ANKRD40: variants seen among roughly 807,000 people sequenced by gnomAD.
ANKRD40 encodes the protein ankyrin repeat domain 40, also known as ankyrin repeat domain-containing protein 40.
A neutral mutation model predicts 35.5 loss-of-function variants in ANKRD40; 24 were observed. That is an observed-to-expected ratio of 0.68 (90% CI 0.49 to 0.95). The LOEUF is 0.95. Among genes scored for constraint, ANKRD40 ranks in the 40% least tolerant of loss-of-function variants. The pLI is 0.00. For synonymous variants in ANKRD40, 147 were observed against 173.5 expected (o/e 0.85, Z 1.20); for missense variants, 361 against 436.0 (o/e 0.83, Z 1.53).
intron 1 of ANKRD40, 93 bp from the exon 2 acceptor site, chr17:50,700,809 T>TA (rs1396338500): frequency 9.6e-6 from 12 of 1,252,582 alleles, no homozygotes; most frequent in Non-Finnish European, 1.3e-5. Flanking sequence ...ACAAGCCTGT[T>TA]AGAGTTCAGC....
Position 50,707,507 on chromosome 17 carries a change from C to G in ANKRD40, c.134+14G>C, listed in dbSNP as rs749647375. The G allele has an allele frequency of 3.7e-6, 6 of 1,603,272 alleles. No individual in the cohort carries two copies. Among genetic ancestry groups the G allele is most frequent in the Middle Eastern group, 1.7e-4 (1 of 6,048 alleles). On this transcript the variant is annotated intron_variant, in intron 1 of 4. Coordinates refer to ENST00000285243, the MANE Select transcript of ANKRD40 (RefSeq NM_052855.4). The surrounding 1 kb of genome is among the most constrained non-coding windows in gnomAD (Gnocchi z 4.8). ...GGCTGCCCTGACCCTAGGCCTCCCCCGCTCCCCACTTACCAGCCGTTGACC... is the reference window on the plus strand; with the variant it reads ...GGCTGCCCTGACCCTAGGCCTCCCCGGCTCCCCACTTACCAGCCGTTGACC...
intron 2 of ANKRD40, among the ~76,000 whole-genome samples, 158 bp from the exon 3 acceptor site, chr17:50,700,051 T>C (rs955607873): frequency 6.6e-6 from 1 of 152,204 alleles, no homozygotes; most frequent in African/African-American, 2.4e-5. Flanking sequence ...ATTTTTATCA[T>C]TATCTTAAAT....
intron 3 of ANKRD40, among the ~76,000 whole-genome samples, chr17:50,697,650 G>T (rs995333822): frequency 2.6e-5 from 4 of 152,214 alleles, no homozygotes; most frequent in Non-Finnish European, 4.4e-5. Flanking sequence ...AACTTGATTT[G>T]AATGTAGCAC....
rs35024672 is a variant in ANKRD40, at chr17:50,706,903, CAAAAAAAAAAA to C, written c.134+607_134+617del. On this transcript the variant is annotated intron_variant, in intron 1 of 4. Transcript: ENST00000285243. ...TGGGCGACAGGGCAAGACCCTGTCTCAAAAAAAAAAAAAAAAAAAAAAAAAAAAAGAAAGAA... is the reference window on the plus strand; with the variant it reads ...TGGGCGACAGGGCAAGACCCTGTCTCAAAAAAAAAAAAAAAAAAGAAAGAA... 5.5e-4 allele frequency among the ~76,000 whole-genome samples: 21 copies of C among 37,982 alleles called. 1 individual carries two copies. The South Asian group carries it at 0.011, about 21-fold the overall frequency. 24.9% of individuals were successfully genotyped at this position (37,982 alleles called of 152,430 possible). A position where few individuals can be genotyped will look rare whatever the true frequency, so the allele number is the denominator to read the frequency against.
chr17:50,702,395 A>C (rs1968282330), intron 1 of ANKRD40, among the ~76,000 whole-genome samples: 1 of 138,272 alleles, frequency 7.2e-6, no homozygotes, highest in South Asian at 2.3e-4. Flanking sequence ...GCAAGACTCC[A>C]TCTCAAAAAA....
At chr17:50,703,927 A>G (rs1308861012) in intron 1 of ANKRD40, among the ~76,000 whole-genome samples, 1 of 152,138 alleles carries the variant, frequency 6.6e-6, no homozygotes, top group Non-Finnish European at 1.5e-5. Context: ...AATCCAAGCA[A>G]GAGAAACAAT....
At position 50,703,510 on chromosome 17, in the gene ANKRD40, C is replaced by A. The variant is rs62059753; in HGVS notation, c.135-2794G>T. Reference sequence around the variant, plus strand: ...CTTTAAATTGAGGGCCCAGGAAAAGCCTTGCCAAGAAGGTGACATCTAAAC... The same window carrying A: ...CTTTAAATTGAGGGCCCAGGAAAAGACTTGCCAAGAAGGTGACATCTAAAC... On this transcript the variant is annotated intron_variant, in intron 1 of 4. Coordinates refer to ENST00000285243, the MANE Select transcript of ANKRD40 (RefSeq NM_052855.4). Among the ~76,000 whole-genome samples the A allele has an allele frequency of 4.0e-3, 605 of 152,064 alleles. 2 individuals carry two copies. Among genetic ancestry groups the A allele is most frequent in the Non-Finnish European group, 6.1e-3 (415 of 67,978 alleles).
rs1597867932 is a variant in ANKRD40, at chr17:50,700,809, T to C, written c.135-93A>G. 13 of 1,252,698 alleles carry C rather than the reference T, an allele frequency of 1.0e-5. No individual in the cohort carries two copies. In the East Asian group the frequency reaches 1.5e-4, roughly 14 times the overall value. The allele number at this position is 1,252,698 out of a possible 1,614,324, so 77.6% of individuals were successfully genotyped here. ...GTAAATAATGTATAAACAAGCCTGT[T>C]AGAGTTCAGCTAGAACCAGGTAACC... On this transcript the variant is annotated intron_variant, in intron 1 of 4. Coordinates refer to ENST00000285243, the MANE Select transcript of ANKRD40 (RefSeq NM_052855.4).
chr17:50,694,792 G>C lies in ANKRD40; in HGVS notation c.*1205C>G, dbSNP rs1435647804. 1 of 152,130 alleles carries C rather than the reference G, an allele frequency of 6.6e-6. No homozygotes were observed. Among genetic ancestry groups the C allele is most frequent in the African/African-American group, 2.4e-5 (1 of 41,406 alleles). The allele number at this position is 152,130 out of a possible 1,614,324, so 9.4% of individuals were successfully genotyped here. On this transcript the variant is annotated 3_prime_UTR_variant, in exon 5 of 5. Transcript: ENST00000285243. ...AGTGAATTGGTGGTAGTAGTAGGGG[G>C]ATCACTAAGATCAAACAATTTGTTT...
At chr17:50,696,791 C>A in intron 4 of ANKRD40, 149 bp downstream of exon 4, 6 of 693,822 alleles carry the variant, frequency 8.6e-6, no homozygotes, top group Non-Finnish European at 1.3e-5. Context: ...CCTATAGACT[C>A]AGTAGAAGGA....
chr17:50,699,413 G>T lies in ANKRD40; in HGVS notation c.764C>A (p.Pro255Gln). 1 of 1,613,610 alleles carries T rather than the reference G, an allele frequency of 6.2e-7. No homozygotes were observed. The highest frequency in any genetic ancestry group is 8.5e-7 in the Non-Finnish European group (1 of 1,179,628). The change falls in exon 3 of 5, where the codon CCA becomes CAA. Residue 255 changes from proline to glutamine, a missense_variant. Around this residue, in one of 5 missense-constraint regions of ANKRD40, gnomAD observed 93 missense variants for 129.6 expected, o/e 0.72. Transcript: ENST00000285243. The stretch of plus-strand genomic sequence containing the variant: ...TGAGGGGTTACCTTGCATATTAAAT[G>T]GAAATGCTCCAGTGAAGAAAAATGG... ...FQPFFFTGAFPFNMQELVLKV... is the reference protein window; with the variant it reads ...FQPFFFTGAFQFNMQELVLKV...
chr17:50,698,985 CAA>C (rs5820829), intron 3 of ANKRD40, among the ~76,000 whole-genome samples: 28 of 69,604 alleles, frequency 4.0e-4, no homozygotes, highest in African/African-American at 4.2e-4. Flanking sequence ...ACTAAAAATA[CAA>C]AAAAAAAAAA....
chr17:50,700,066 C>T (rs1158828059), intron 2 of ANKRD40, among the ~76,000 whole-genome samples, 173 bp from the exon 3 acceptor site: 1 of 152,048 alleles, frequency 6.6e-6, no homozygotes, highest in Non-Finnish European at 1.5e-5. Flanking sequence ...TTAAATTTTA[C>T]AAATAAAAAA....
intron 1 of ANKRD40, among the ~76,000 whole-genome samples, chr17:50,703,471 G>C (rs911869339): frequency 6.6e-6 from 1 of 152,172 alleles, no homozygotes; most frequent in African/African-American, 2.4e-5. Context: ...AGGTTGGAAA[G>C]GGGCATTGTG....
Position 50,707,722 on chromosome 17 carries a change from C to CCGCCGT in ANKRD40, c.-74_-69dup, listed in dbSNP as rs1195669461. On this transcript the variant is annotated 5_prime_UTR_variant, in exon 1 of 5. Transcript: ENST00000285243. The surrounding 1 kb of genome is among the most constrained non-coding windows in gnomAD (Gnocchi z 4.8). Reference sequence around the variant, plus strand: ...CCCCGCCCGGGGCCTGTCAGCGCCGCCGCCGTCGCCGCGGCCCGCTCCCGG... The same window carrying CCGCCGT: ...CCCCGCCCGGGGCCTGTCAGCGCCGCCGCCGTCGCCGTCGCCGCGGCCCGCTCCCGG... 2.6e-6 allele frequency: 3 copies of CCGCCGT among 1,141,036 alleles called. No homozygotes were observed. In the African/African-American group the frequency reaches 4.9e-5, roughly 19 times the overall value. 70.7% of individuals were successfully genotyped at this position (1,141,036 alleles called of 1,614,324 possible).
chr17:50,693,411 AGATT>A lies in ANKRD40; in HGVS notation c.*2582_*2585del. On this transcript the variant is annotated 3_prime_UTR_variant, in exon 5 of 5. Coordinates refer to ENST00000285243, the MANE Select transcript of ANKRD40 (RefSeq NM_052855.4). ...TATAAAAATATTTCTCTGAATGCAT[AGATT>A]AAGACTTTAAACTCACCTACCAGCA... The A allele has an allele frequency of 6.6e-6, 1 of 152,358 alleles. No homozygotes were observed. Among genetic ancestry groups the A allele is most frequent in the Admixed American group, 6.5e-5 (1 of 15,304 alleles). The allele number at this position is 152,358 out of a possible 1,614,324, so 9.4% of individuals were successfully genotyped here.
chr17:50,694,139 AAG>A lies in ANKRD40; in HGVS notation c.*1856_*1857del, dbSNP rs1555601382. ...AGCAAGACTCCGTCTCAAAAAAAAA[AAG>A]AAAAGAAACACCAGGGAGGTTTCTT... is the stretch of plus-strand genomic sequence containing the variant. On this transcript the variant is annotated 3_prime_UTR_variant, in exon 5 of 5. Coordinates refer to ENST00000285243, the MANE Select transcript of ANKRD40 (RefSeq NM_052855.4). 3 of 151,090 alleles carry A rather than the reference AAG, an allele frequency of 2.0e-5. No individual in the cohort carries two copies. Among genetic ancestry groups the A allele is most frequent in the African/African-American group, 7.3e-5 (3 of 41,184 alleles). 9.4% of individuals were successfully genotyped at this position (151,090 alleles called of 1,614,324 possible).
chr17:50,706,332 G>A (rs933878218), intron 1 of ANKRD40, among the ~76,000 whole-genome samples: 2 of 151,638 alleles, frequency 1.3e-5, no homozygotes, highest in African/African-American at 4.9e-5. Flanking sequence ...ATGTTGGCCA[G>A]GATGGTCTTG....
chr17:50,699,277 C>T, intron 3 of ANKRD40, 122 bp downstream of exon 3: 2 of 1,323,384 alleles, frequency 1.5e-6, no homozygotes, highest in Non-Finnish European at 2.1e-6. Flanking sequence ...AAAGGGAGTT[C>T]CTTATGTTAG....
Sources: gnomAD v4.1 joint callset for allele counts (sites outside exome capture counted in the v4.1 genomes callset) on GRCh38, gnomAD v4.1.1 for gene constraint, gnomAD v4.1.1 regional missense constraint, Gnocchi (gnomAD v3.1) non-coding constraint, MANE v1.5 for transcripts, NCBI Gene and HGNC (gene_info 2026-07-23, HGNC 2026-07-21) for gene names.